Variants in HPS3 observed in about 807,000 individuals in gnomAD.
The protein encoded by HPS3 is HPS3 biogenesis of lysosomal organelles complex 2 subunit 1.
HPS3 carries 79 observed loss-of-function variants against 110.9 expected under a neutral mutation model. That is an observed-to-expected ratio of 0.71 (90% CI 0.59 to 0.86). The LOEUF is 0.86. Among genes scored for constraint, HPS3 ranks in the 40% least tolerant of loss-of-function variants. The probability of loss-of-function intolerance (pLI) is 0.00; values close to 1 mark genes in which losing one functional copy is unlikely to be tolerated. For missense variants in HPS3, 1,197 were observed against 1,206.2 expected, an observed-to-expected ratio of 0.99 and a Z score of 0.11; for synonymous variants, 428 against 451.0, an observed-to-expected ratio of 0.95 and a Z score of 0.65.
In HPS3 at chr3:149,163,881, G is replaced by C. The variant is rs764013864; in HGVS notation, c.2521G>C (p.Val841Leu). The C allele has an allele frequency of 2.5e-6, 4 of 1,585,120 alleles. No individual in the cohort carries two copies. The highest frequency in any genetic ancestry group is 2.2e-5 in the South Asian group (2 of 90,402). Residue 841 changes from valine to leucine, a missense_variant, in exon 14 of 17, where the codon GTT (valine) becomes CTT (leucine). Transcript: ENST00000296051. ...TCATTATGGCTTAATTTATCCATGG[G>C]TTCACGTCGTAATATCATCTGATTC... ...CSHYGLIYPW[V>L]HVVISSDSLA...
intron 1 of HPS3, among the ~76,000 whole-genome samples, chr3:149,130,966 G>T (rs922710998): frequency 6.6e-6 from 1 of 152,098 alleles, no homozygotes; most frequent in Non-Finnish European, 1.5e-5. Context: ...TTTACAAGAT[G>T]GGTGTAAAGT....
Position 149,157,520 on chromosome 3 carries a change from CTGTT to C in HPS3, c.1681_1684del (p.Cys561ThrfsTer34). 1.2e-6 allele frequency: 2 copies of C among 1,613,694 alleles called. No homozygotes were observed. Reference sequence around the variant, plus strand: ...AGGAAAGCTGTGGGCACCTTGGGGACTGTTACAGCAGGTGGGTGACACCTCTTGG... The same window carrying C: ...AGGAAAGCTGTGGGCACCTTGGGGACACAGCAGGTGGGTGACACCTCTTGG... On this transcript the variant is annotated frameshift_variant, in exon 9 of 17. Coordinates refer to ENST00000296051, the MANE Select transcript of HPS3 (RefSeq NM_032383.5). LOFTEE classifies it high-confidence loss of function.
intron 1 of HPS3, among the ~76,000 whole-genome samples, chr3:149,137,709 A>C (rs1722199490): frequency 6.6e-6 from 1 of 152,222 alleles, no homozygotes; most frequent in African/African-American, 2.4e-5. Flanking sequence ...AAGTGATACA[A>C]GCCTGATACA....
intron 15 of HPS3, 76 bp from the exon 16 acceptor site, chr3:149,167,817 C>A: frequency 2.2e-6 from 2 of 912,328 alleles, no homozygotes; most frequent in East Asian, 2.4e-5. Context: ...CTTTCCTGCA[C>A]AATCTTCTTA....
chr3:149,145,695 C>G, intron 5 of HPS3, 149 bp downstream of exon 5: 1 of 730,580 alleles, frequency 1.4e-6, no homozygotes, highest in Non-Finnish European at 2.5e-6. Flanking sequence ...TTTTGATGAC[C>G]CATACCTGCC....
rs1224599600 is a variant in HPS3, at chr3:149,167,029, CAT to C, written c.2590-3_2590-2del. 3.7e-6 allele frequency: 6 copies of C among 1,606,796 alleles called. No homozygotes were observed. The highest frequency in any genetic ancestry group is 5.1e-6 in the Non-Finnish European group (6 of 1,173,758). ...TTTCATAACATTTCACTTTTCTGTT[CAT>C]AGTCTCTTATATGTGGTCCTTCATT... On this transcript the variant is annotated splice_region_variant and splice_polypyrimidine_tract_variant and intron_variant, in intron 14 of 16. Coordinates refer to ENST00000296051, the MANE Select transcript of HPS3 (RefSeq NM_032383.5).
intron 11 of HPS3, among the ~76,000 whole-genome samples, chr3:149,161,005 C>A (rs1297619877): frequency 1.3e-5 from 2 of 152,188 alleles, no homozygotes; most frequent in Non-Finnish European, 1.5e-5. Flanking sequence ...TTGAATCGGG[C>A]AGCCTGATTT....
In HPS3 at chr3:149,167,983, G is replaced by A. The variant is rs1162542307; in HGVS notation, c.2887G>A (p.Glu963Lys). Residue 963 changes from glutamate (E) to lysine (K), a missense_variant and splice_region_variant, in exon 16 of 17, where the codon GAA becomes AAA. Transcript: ENST00000296051. ...TCAACTCTACCTGTCATCATTAAAA[G>A]GTAAAATGATTTTTTTTTTGCTTGA... ...KYQLYLSSLK[E>K]TLSIVAVELE... 3 of 1,506,422 alleles carry A rather than the reference G, an allele frequency of 2.0e-6. No homozygotes were observed. Among genetic ancestry groups the A allele is most frequent in the East Asian group, 2.3e-5 (1 of 43,832 alleles). 93.3% of individuals were successfully genotyped at this position (1,506,422 alleles called of 1,614,324 possible).
At position 149,153,382 on chromosome 3, in the gene HPS3, G is replaced by A. The variant is rs1035094310; in HGVS notation, c.1246-112G>A. ...TTTGTTTGTTTTTTGGTGGTGGTGG[G>A]TATGGGATGGTGGCAGCAGAAGAGA... is the stretch of plus-strand genomic sequence containing the variant. On this transcript the variant is annotated intron_variant, in intron 6 of 16. Coordinates refer to ENST00000296051, the MANE Select transcript of HPS3 (RefSeq NM_032383.5). 1.8e-5 allele frequency: 16 copies of A among 900,348 alleles called. No individual in the cohort carries two copies. The African/African-American group carries it at 2.5e-4, about 14-fold the overall frequency. 55.8% of individuals were successfully genotyped at this position (900,348 alleles called of 1,614,324 possible).
chr3:149,166,604 T>C (rs1039878937), intron 14 of HPS3, among the ~76,000 whole-genome samples: 1 of 152,224 alleles, frequency 6.6e-6, no homozygotes, highest in Non-Finnish European at 1.5e-5. Flanking sequence ...ATTATCTGAG[T>C]GTGCCATATG....
In HPS3 at chr3:149,145,492, C is replaced by T; in HGVS notation, c.1109C>T (p.Pro370Leu). 1 of 1,614,068 alleles carries T rather than the reference C, an allele frequency of 6.2e-7. No individual in the cohort carries two copies. Among genetic ancestry groups the T allele is most frequent in the Non-Finnish European group, 8.5e-7 (1 of 1,179,978 alleles). ...SVELMSVYQYPEKSQQAVLTP... is the reference protein window; with the variant it reads ...SVELMSVYQYLEKSQQAVLTP... Reference sequence around the variant, plus strand: ...GAATTGATGTCAGTCTACCAGTATCCTGAAAAGTCTCAGCAGGCAGTACTC... The same window carrying T: ...GAATTGATGTCAGTCTACCAGTATCTTGAAAAGTCTCAGCAGGCAGTACTC... Residue 370 changes from proline (P) to leucine (L), a missense_variant, in exon 5 of 17, where the codon CCT (proline) becomes CTT (leucine). Transcript: ENST00000296051.
At chr3:149,150,010 G>A (rs1216915533) in intron 5 of HPS3, among the ~76,000 whole-genome samples, 2 of 152,132 alleles carry the variant, frequency 1.3e-5, no homozygotes, top group Non-Finnish European at 2.9e-5. Context: ...GACCAGTCAT[G>A]AACCTTTCAT....
intron 5 of HPS3, among the ~76,000 whole-genome samples, chr3:149,148,120 G>A (rs1488428682): frequency 2.6e-5 from 4 of 151,922 alleles, no homozygotes; most frequent in African/African-American, 4.8e-5. Flanking sequence ...TGATCCACCC[G>A]CCACGGCCTC....
rs186872520 is a variant in HPS3 at position 149,163,869 on chromosome 3, A to G, written c.2509A>G (p.Ile837Val). 1.8e-5 allele frequency: 29 copies of G among 1,576,838 alleles called. No homozygotes were observed. The Admixed American group carries it at 2.3e-4, about 13-fold the overall frequency. The change falls in exon 14 of 17, where the codon ATT (isoleucine) becomes GTT (valine). Residue 837 changes from isoleucine to valine, a missense_variant. Transcript: ENST00000296051. ...AAATGCCTGTAGTCATTATGGCTTA[A>G]TTTATCCATGGGTTCACGTCGTAAT... ...LINACSHYGL[I>V]YPWVHVVISS...
intron 5 of HPS3, among the ~76,000 whole-genome samples, chr3:149,146,683 C>T (rs1231638539): frequency 2.0e-5 from 3 of 152,178 alleles, no homozygotes; most frequent in African/African-American, 7.2e-5. Context: ...CCCTTCTCCA[C>T]CTGATTTCTG....
At chr3:149,136,348 G>A (rs9815421) in intron 1 of HPS3, among the ~76,000 whole-genome samples, 27,576 of 151,916 alleles carry the variant, frequency 0.18, 3,083 homozygotes, top group East Asian at 0.29. Flanking sequence ...CTTGGGCAAC[G>A]GAGCAAGACA....
At chr3:149,139,688 C>T (rs1576664651) in intron 1 of HPS3, among the ~76,000 whole-genome samples, 1 of 152,114 alleles carries the variant, frequency 6.6e-6, no homozygotes, top group South Asian at 2.1e-4. Context: ...GTCAGTAGAG[C>T]TTTGTTAGAA....
At chr3:149,158,531 G>T (rs1352883676) in intron 9 of HPS3, 135 bp from the exon 10 acceptor site, 8 of 846,196 alleles carry the variant, frequency 9.5e-6, no homozygotes, top group South Asian at 1.4e-5. Flanking sequence ...CTTACACCTG[G>T]AATCCCAGCA....
intron 8 of HPS3, among the ~76,000 whole-genome samples, chr3:149,156,757 T>A: frequency 6.6e-6 from 1 of 152,182 alleles, no homozygotes; most frequent in Non-Finnish European, 1.5e-5. Context: ...AATAATTTAA[T>A]GCCAATTATT....
Sources: allele counts gnomAD v4.1 joint callset (sites outside exome capture counted in the v4.1 genomes callset), GRCh38; gene constraint gnomAD v4.1.1; transcripts MANE v1.5; gene names NCBI Gene and HGNC (gene_info 2026-07-23, HGNC 2026-07-21).